XKR4: variants seen among roughly 807,000 people sequenced by gnomAD.
XKR4 encodes the protein XK related 4.
A neutral mutation model predicts 53.9 loss-of-function variants in XKR4; 12 were observed. The ratio of observed to expected loss-of-function variants is 0.22; its 90% CI spans 0.14 to 0.36. XKR4 has a LOEUF of 0.36. Ranked by LOEUF, XKR4 falls within the 10% of genes least tolerant of loss-of-function variation. The pLI, the probability that XKR4 is intolerant of heterozygous loss-of-function variation, is 1.00. For missense variants in XKR4, 799 were observed against 859.5 expected, an observed-to-expected ratio of 0.93 and a Z score of 0.88; for synonymous variants, 354 against 362.4, an observed-to-expected ratio of 0.98 and a Z score of 0.26.
At chr8:55,433,362 T>C (rs1805129046) in intron 2 of XKR4, among the ~76,000 whole-genome samples, 1 of 152,234 alleles carries the variant, frequency 6.6e-6, no homozygotes, top group Non-Finnish European at 1.5e-5. Flanking sequence ...CACATAGGAT[T>C]TAGTTCTGTG....
chr8:55,304,993 ATACT>A lies in XKR4; in HGVS notation c.807-52682_807-52679del, dbSNP rs576216475. On this transcript the variant is annotated intron_variant, in intron 1 of 2. Coordinates refer to ENST00000327381, the MANE Select transcript of XKR4 (RefSeq NM_052898.2). The stretch of plus-strand genomic sequence containing the variant: ...TTGAAGAAAATAACTGAATTCAAAA[ATACT>A]TATTTATATTAATGTAAGACTATGA... Among the ~76,000 whole-genome samples the A allele has an allele frequency of 1.1e-4, 16 of 152,262 alleles. No homozygotes were observed. The East Asian group carries it at 2.9e-3, about 28-fold the overall frequency.
intron 1 of XKR4, among the ~76,000 whole-genome samples, chr8:55,344,659 C>A (rs1803608531): frequency 1.3e-5 from 2 of 152,142 alleles, no homozygotes; most frequent in African/African-American, 4.8e-5. Flanking sequence ...GGGAGAAATG[C>A]TGCTTTTGTT....
intron 1 of XKR4, among the ~76,000 whole-genome samples, chr8:55,268,205 G>C (rs1818638221): frequency 6.6e-6 from 1 of 152,146 alleles, no homozygotes; most frequent in Non-Finnish European, 1.5e-5. Context: ...CGAATGGAGA[G>C]GGTAACAAGA....
At chr8:55,213,249 G>A (rs934089174) in intron 1 of XKR4, among the ~76,000 whole-genome samples, 8 of 152,140 alleles carry the variant, frequency 5.3e-5, no homozygotes, top group African/African-American at 1.2e-4. Context: ...TGGGGTTTTC[G>A]AAGCATAATT....
intron 1 of XKR4, among the ~76,000 whole-genome samples, chr8:55,224,184 T>C (rs770685299): frequency 6.6e-6 from 1 of 152,184 alleles, no homozygotes; most frequent in East Asian, 1.9e-4. Context: ...AGGTACTGAT[T>C]ATCCTATTTC....
At chr8:55,400,675 T>C (rs1804585968) in intron 2 of XKR4, among the ~76,000 whole-genome samples, 1 of 152,166 alleles carries the variant, frequency 6.6e-6, no homozygotes, top group African/African-American at 2.4e-5. Context: ...AAGGTCTCCA[T>C]TCCCACAGGG....
At position 55,241,661 on chromosome 8, in the gene XKR4, C is replaced by T. The variant is rs139531383; in HGVS notation, c.807-116017C>T. Among the ~76,000 whole-genome samples the T allele has an allele frequency of 7.0e-3, 1,069 of 152,326 alleles. 11 individuals are homozygous for T. Among genetic ancestry groups the T allele is most frequent in the Non-Finnish European group, 0.012 (810 of 68,028 alleles). ...TCTCAATACTAGAATTTCAGGGTTT[C>T]AATCATTCCCCTAGGTCTCCTTCAT... On this transcript the variant is annotated intron_variant, in intron 1 of 2. Coordinates refer to ENST00000327381, the MANE Select transcript of XKR4 (RefSeq NM_052898.2).
At chr8:55,503,954 G>C (rs560237544) in intron 2 of XKR4, among the ~76,000 whole-genome samples, 1 of 151,938 alleles carries the variant, frequency 6.6e-6, no homozygotes, top group Non-Finnish European at 1.5e-5. Flanking sequence ...CATCTATTGA[G>C]ATGATAATGT....
At chr8:55,470,190 A>G (rs1222880567) in intron 2 of XKR4, among the ~76,000 whole-genome samples, 1 of 152,192 alleles carries the variant, frequency 6.6e-6, no homozygotes, top group Non-Finnish European at 1.5e-5. Context: ...GCACAGAAGC[A>G]TGCGTCAGAT....
rs528109774 is a variant in XKR4, at chr8:55,206,616, C to G, written c.806+103322C>G. Among the ~76,000 whole-genome samples, 180 of 152,104 alleles carry G rather than the reference C, an allele frequency of 1.2e-3. 1 individual carries two copies. The highest frequency in any genetic ancestry group is 4.3e-3 in the African/African-American group (177 of 41,494). On this transcript the variant is annotated intron_variant, in intron 1 of 2. Coordinates refer to ENST00000327381, the MANE Select transcript of XKR4 (RefSeq NM_052898.2). Reference sequence around the variant, plus strand: ...AACCTACAATTATGATAAAGAAAACCCCAACTTCTCAAAAAGAGAAACTAT... The same window carrying G: ...AACCTACAATTATGATAAAGAAAACGCCAACTTCTCAAAAAGAGAAACTAT...
intron 1 of XKR4, among the ~76,000 whole-genome samples, chr8:55,307,510 G>A (rs954684172): frequency 6.6e-6 from 1 of 152,028 alleles, no homozygotes; most frequent in Non-Finnish European, 1.5e-5. Flanking sequence ...TTAAAAATTA[G>A]CCAGACATGG....
intron 1 of XKR4, among the ~76,000 whole-genome samples, chr8:55,103,851 G>GTGTATATA (rs1187141027): frequency 5.1e-4 from 54 of 106,006 alleles, no homozygotes; most frequent in Admixed American, 9.8e-4. Context: ...AAATGACTTT[G>GTGTATATA]TATATATATA....
At chr8:55,184,726 A>C (rs956565200) in intron 1 of XKR4, among the ~76,000 whole-genome samples, 2 of 152,230 alleles carry the variant, frequency 1.3e-5, no homozygotes, top group Non-Finnish European at 2.9e-5. Flanking sequence ...GGTAAACATT[A>C]GTCACCTTTA....
intron 2 of XKR4, chr8:55,451,831 A>G: frequency 1.1e-6 from 1 of 931,982 alleles, no homozygotes; most frequent in Middle Eastern, 2.1e-4. Flanking sequence ...GAGGCTGCTC[A>G]TGGTCATGCC....
chr8:55,215,891 C>T (rs1418024584), intron 1 of XKR4, among the ~76,000 whole-genome samples: 4 of 152,090 alleles, frequency 2.6e-5, no homozygotes, highest in African/African-American at 9.7e-5. Flanking sequence ...GATGCAAGAA[C>T]ACAAAATAAA....
intron 1 of XKR4, among the ~76,000 whole-genome samples, chr8:55,198,126 C>G (rs1302395465): frequency 6.6e-6 from 1 of 152,196 alleles, no homozygotes; most frequent in Non-Finnish European, 1.5e-5. Flanking sequence ...GCCATTGATT[C>G]CAATTTGGCA....
intron 1 of XKR4, among the ~76,000 whole-genome samples, chr8:55,279,890 T>C (rs536246368): frequency 6.6e-6 from 1 of 152,352 alleles, no homozygotes; most frequent in East Asian, 1.9e-4. Context: ...AATAAAGCCA[T>C]ACATTTGCTC....
chr8:55,376,875 C>CCT (rs144607620), intron 2 of XKR4, among the ~76,000 whole-genome samples: 33 of 148,052 alleles, frequency 2.2e-4, no homozygotes, highest in Middle Eastern at 3.5e-3. Context: ...CATCTCTCAC[C>CCT]CTCTCTCTCT....
intron 1 of XKR4, among the ~76,000 whole-genome samples, chr8:55,150,620 G>A (rs1489478309): frequency 6.6e-6 from 1 of 152,070 alleles, no homozygotes; most frequent in Non-Finnish European, 1.5e-5. Flanking sequence ...TTTCTGCTCA[G>A]CAAACTCCTC....
Sources: gnomAD v4.1 joint callset for allele counts (sites outside exome capture counted in the v4.1 genomes callset) on GRCh38, gnomAD v4.1.1 for gene constraint, MANE v1.5 for transcripts, NCBI Gene and HGNC (gene_info 2026-07-23, HGNC 2026-07-21) for gene names.